PRKG1: variants seen among roughly 807,000 people sequenced by gnomAD.
PRKG1 encodes the protein cGMP-dependent protein kinase 1.
Under a neutral mutation model 88.1 loss-of-function variants are expected in PRKG1, and 35 were observed. The ratio of observed to expected loss-of-function variants is 0.40; its 90% CI spans 0.30 to 0.53. The LOEUF (loss-of-function observed/expected upper bound fraction) is 0.53. PRKG1 is among the 20% of genes least tolerant of loss of function. PRKG1 has a pLI of 0.59. For missense variants in PRKG1, 540 were observed against 839.8 expected (o/e 0.64, Z 4.41); for synonymous variants, 303 against 292.5 (o/e 1.04, Z -0.37).
chr10:51,151,555 ATGTTTT>A (rs984041954), intron 1 of PRKG1, among the ~76,000 whole-genome samples: 27 of 129,882 alleles, frequency 2.1e-4, no homozygotes, highest in African/African-American at 6.7e-4. Context: ...TTCAAAACCT[ATGTTTT>A]TGTTTTTGTT....
rs187572993 is a variant in PRKG1, at chr10:51,683,831, A to G, written c.593-120754A>G. On this transcript the variant is annotated intron_variant, in intron 3 of 17. Coordinates refer to ENST00000373980, the MANE Select transcript of PRKG1 (RefSeq NM_006258.4). ...CATGCTCAACCTGGGAGTCCATGGCAACTGAAAAACTCACAACTTTGTTAC... is the reference window on the plus strand; with the variant it reads ...CATGCTCAACCTGGGAGTCCATGGCGACTGAAAAACTCACAACTTTGTTAC... Among the ~76,000 whole-genome samples, 112 of 152,312 alleles carry G rather than the reference A, an allele frequency of 7.4e-4. No homozygotes were observed. The Middle Eastern group carries it at 0.017, about 23-fold the overall frequency.
chr10:51,451,473 G>C (rs911640935), intron 2 of PRKG1, among the ~76,000 whole-genome samples: 5 of 151,900 alleles, frequency 3.3e-5, no homozygotes, highest in African/African-American at 1.2e-4. Context: ...GTTTGAATAA[G>C]AGAATGTCAG....
rs74133942 is a variant in PRKG1 at position 51,023,567 on chromosome 10, T to C, written c.266+31923T>C. Among the ~76,000 whole-genome samples the C allele has an allele frequency of 3.2e-3, 484 of 152,320 alleles. 1 individual carries two copies. Among genetic ancestry groups the C allele is most frequent in the African/African-American group, 0.01 (434 of 41,568 alleles). ...ATATTATCCTGCACTGATTTTTCTC[T>C]TTTTACCAGGTAGATTCACAGAGAT... On this transcript the variant is annotated intron_variant, in intron 1 of 17. Transcript: ENST00000401604.
intron 8 of PRKG1, among the ~76,000 whole-genome samples, chr10:52,152,702 G>A (rs180978290): frequency 6.6e-6 from 1 of 152,296 alleles, no homozygotes; most frequent in African/African-American, 2.4e-5. Flanking sequence ...AGATTACTCT[G>A]CTTACTGTGT....
chr10:51,600,421 C>T (rs531382805), intron 3 of PRKG1, among the ~76,000 whole-genome samples: 3 of 152,150 alleles, frequency 2.0e-5, no homozygotes, highest in Non-Finnish European at 4.4e-5. Flanking sequence ...CTATTATTAA[C>T]TCTGTCACAA....
At chr10:52,005,782 C>T (rs965016556) in intron 5 of PRKG1, among the ~76,000 whole-genome samples, 1 of 152,048 alleles carries the variant, frequency 6.6e-6, no homozygotes, top group Non-Finnish European at 1.5e-5. Context: ...GCCAAATGAG[C>T]CATACATGCT....
At chr10:51,303,809 A>G (rs1840957553) in intron 2 of PRKG1, among the ~76,000 whole-genome samples, 3 of 152,132 alleles carry the variant, frequency 2.0e-5, no homozygotes, top group South Asian at 4.2e-4. Context: ...ATCTATATAT[A>G]TATACACACA....
chr10:52,199,042 A>T (rs1839587192), intron 9 of PRKG1, among the ~76,000 whole-genome samples: 1 of 152,108 alleles, frequency 6.6e-6, no homozygotes. Context: ...GAACACACCC[A>T]AGATGACATT....
chr10:51,379,792 G>A (rs569886654), intron 2 of PRKG1, among the ~76,000 whole-genome samples: 2 of 152,314 alleles, frequency 1.3e-5, no homozygotes, highest in African/African-American at 2.4e-5. Flanking sequence ...TTTGGACAGT[G>A]CACATTGGCA....
At chr10:51,444,033 T>A (rs1839198998) in intron 2 of PRKG1, among the ~76,000 whole-genome samples, 1 of 151,504 alleles carries the variant, frequency 6.6e-6, no homozygotes, top group African/African-American at 2.4e-5. Flanking sequence ...GAACACAAAG[T>A]GTCTTTAGGG....
intron 2 of PRKG1, among the ~76,000 whole-genome samples, chr10:51,337,546 A>T (rs1293747196): frequency 6.6e-6 from 1 of 152,188 alleles, no homozygotes; most frequent in East Asian, 1.9e-4. Context: ...ATCTACAAGG[A>T]ACTTAAACAA....
At chr10:51,831,590 A>T (rs74132450) in intron 4 of PRKG1, among the ~76,000 whole-genome samples, 1,925 of 152,272 alleles carry the variant, frequency 0.013, 52 homozygotes, top group African/African-American at 0.044. Context: ...TCCAAGACCC[A>T]AGTTACTCAT....
At chr10:51,705,500 G>A (rs1841583671) in intron 3 of PRKG1, among the ~76,000 whole-genome samples, 1 of 152,144 alleles carries the variant, frequency 6.6e-6, no homozygotes, top group African/African-American at 2.4e-5. Flanking sequence ...ACAGTCTTAT[G>A]AAGTACATGC....
intron 2 of PRKG1, among the ~76,000 whole-genome samples, chr10:51,355,658 C>G (rs1842350760): frequency 6.6e-6 from 1 of 151,862 alleles, no homozygotes; most frequent in African/African-American, 2.4e-5. Context: ...GGATGCCCAC[C>G]CAGATTTTTT....
At chr10:52,245,383 T>A (rs1373792214) in intron 9 of PRKG1, among the ~76,000 whole-genome samples, 1 of 152,134 alleles carries the variant, frequency 6.6e-6, no homozygotes, top group Non-Finnish European at 1.5e-5. Flanking sequence ...TATTTATCAG[T>A]ATTCCCAGAA....
At chr10:52,264,466 A>C (rs1417814139) in intron 10 of PRKG1, among the ~76,000 whole-genome samples, 1 of 151,830 alleles carries the variant, frequency 6.6e-6, no homozygotes, top group Non-Finnish European at 1.5e-5. Context: ...TAAATTCCTT[A>C]AGTTATCACA....
chr10:51,851,061 T>G (rs914122349), intron 4 of PRKG1, among the ~76,000 whole-genome samples: 2 of 152,160 alleles, frequency 1.3e-5, no homozygotes, highest in Non-Finnish European at 2.9e-5. Context: ...TCAGTGCTTT[T>G]GGGACAACCC....
At chr10:51,852,230 C>T (rs941655545) in intron 4 of PRKG1, among the ~76,000 whole-genome samples, 27 of 132,096 alleles carry the variant, frequency 2.0e-4, no homozygotes, top group Admixed American at 5.9e-4. Flanking sequence ...TATATATATA[C>T]ACACACACAC....
Position 51,486,343 on chromosome 10 carries a change from G to C in PRKG1, c.592+18507G>C, listed in dbSNP as rs192854433. Among the ~76,000 whole-genome samples the C allele has an allele frequency of 4.6e-5, 7 of 152,142 alleles. No individual in the cohort carries two copies. The South Asian group carries it at 8.3e-4, about 18-fold the overall frequency. On this transcript the variant is annotated intron_variant, in intron 3 of 17. Transcript: ENST00000373980. Reference sequence around the variant, plus strand: ...TATAAGTTGTATCTTGTAAATAAGAGAGCAGGATGACTTTTGGAGGTTATG... The same window carrying C: ...TATAAGTTGTATCTTGTAAATAAGACAGCAGGATGACTTTTGGAGGTTATG...
Sources: allele counts gnomAD v4.1 joint callset (sites outside exome capture counted in the v4.1 genomes callset), GRCh38; gene constraint gnomAD v4.1.1; transcripts MANE v1.5; gene names NCBI Gene and HGNC (gene_info 2026-07-23, HGNC 2026-07-21).